DLG2: variants seen among roughly 807,000 people sequenced by gnomAD.
The protein encoded by DLG2 is disks large homolog 2.
A neutral mutation model predicts 132.5 loss-of-function variants in DLG2; 45 were observed. The observed-to-expected ratio is 0.34, with a 90% CI of 0.27 to 0.44. DLG2 has a LOEUF of 0.44. Among genes scored for constraint, DLG2 ranks in the 20% least tolerant of loss-of-function variants. The pLI, the probability that DLG2 is intolerant of heterozygous loss-of-function variation, is 1.00. For synonymous variants in DLG2, 424 were observed against 419.6 expected, an observed-to-expected ratio of 1.01 and a Z score of -0.13; for missense variants, 1,045 against 1,196.9, an observed-to-expected ratio of 0.87 and a Z score of 1.87.
Position 83,508,403 on chromosome 11 carries a change from A to ATTTTTTTTTTTTTTT in DLG2, c.2194-24190_2194-24176dup, listed in dbSNP as rs746968613. Among the ~76,000 whole-genome samples, 597 of 80,128 alleles carry ATTTTTTTTTTTTTTT rather than the reference A, an allele frequency of 7.5e-3. 75 individuals carry two copies. Among genetic ancestry groups the ATTTTTTTTTTTTTTT allele is most frequent in the South Asian group, 0.027 (56 of 2,076 alleles). The allele number at this position is 80,128 out of a possible 152,430, so 52.6% of individuals were successfully genotyped here. On this transcript the variant is annotated intron_variant, in intron 21 of 27. Coordinates refer to ENST00000376104, the MANE Select transcript of DLG2 (RefSeq NM_001142699.3). ...AGGTGCACACCACCACGCCTGGCTA[A>ATTTTTTTTTTTTTTT]TTTTTTTTTTTTTTTTTTTTTTAGT...
chr11:85,172,264 A>G (rs1169123505), intron 4 of DLG2, among the ~76,000 whole-genome samples: 1 of 152,170 alleles, frequency 6.6e-6, no homozygotes, highest in Non-Finnish European at 1.5e-5. Context: ...GGAGAAGGCT[A>G]CCCTCTTTGC....
At chr11:84,685,310 C>A (rs1020896183) in intron 6 of DLG2, among the ~76,000 whole-genome samples, 1 of 152,184 alleles carries the variant, frequency 6.6e-6, no homozygotes, top group Non-Finnish European at 1.5e-5. Flanking sequence ...AGGAAATAGT[C>A]AACAAATCTT....
chr11:83,900,650 C>T (rs1353896444), intron 15 of DLG2, among the ~76,000 whole-genome samples: 2 of 152,164 alleles, frequency 1.3e-5, no homozygotes, highest in African/African-American at 2.4e-5. Flanking sequence ...GGAACCTCCA[C>T]CTAGATTTCA....
intron 21 of DLG2, among the ~76,000 whole-genome samples, chr11:83,488,278 T>C (rs2093642360): frequency 6.6e-6 from 1 of 151,988 alleles, no homozygotes; most frequent in Non-Finnish European, 1.5e-5. Context: ...TGATTTTGTT[T>C]TGTCTCTGTT....
At chr11:85,570,583 G>T (rs891430517) in intron 3 of DLG2, among the ~76,000 whole-genome samples, 3 of 147,454 alleles carry the variant, frequency 2.0e-5, no homozygotes, top group Non-Finnish European at 3.0e-5. Flanking sequence ...TCTACTTGGG[G>T]TATATTGAGC....
chr11:84,311,056 T>G (rs1418062582), intron 7 of DLG2, among the ~76,000 whole-genome samples: 1 of 152,176 alleles, frequency 6.6e-6, no homozygotes, highest in Non-Finnish European at 1.5e-5. Flanking sequence ...TACATGATTT[T>G]TTTTTCTAGC....
chr11:83,746,116 T>C (rs972330423), intron 18 of DLG2, among the ~76,000 whole-genome samples: 1 of 152,166 alleles, frequency 6.6e-6, no homozygotes, highest in Non-Finnish European at 1.5e-5. Flanking sequence ...GGAACACTTT[T>C]ACACTGTTGG....
chr11:85,447,341 A>G (rs900042334), intron 3 of DLG2, among the ~76,000 whole-genome samples: 10 of 152,184 alleles, frequency 6.6e-5, no homozygotes, highest in South Asian at 6.2e-4. Context: ...CCAGTACTTC[A>G]GAATGTGACT....
chr11:83,910,545 T>G (rs1478317030), intron 15 of DLG2, among the ~76,000 whole-genome samples: 1 of 152,108 alleles, frequency 6.6e-6, no homozygotes, highest in Admixed American at 6.5e-5. Context: ...TAGTTTCAAA[T>G]AGCTAGAAGG....
At chr11:85,397,515 T>C (rs545361286) in intron 3 of DLG2, among the ~76,000 whole-genome samples, 4 of 152,314 alleles carry the variant, frequency 2.6e-5, no homozygotes, top group Non-Finnish European at 5.9e-5. Flanking sequence ...ACCATTGGTA[T>C]GCTGTATTCA....
intron 9 of DLG2, among the ~76,000 whole-genome samples, chr11:84,121,656 G>T (rs1017035563): frequency 2.8e-5 from 4 of 141,410 alleles, no homozygotes; most frequent in African/African-American, 5.2e-5. Context: ...CCGCCTCCCG[G>T]GTTCACGCCA....
chr11:85,261,356 C>T (rs771457530), intron 4 of DLG2, among the ~76,000 whole-genome samples: 14 of 152,032 alleles, frequency 9.2e-5, no homozygotes, highest in South Asian at 2.1e-4. Flanking sequence ...CTCATTGTTG[C>T]TTACTTATGA....
At chr11:85,313,397 T>A (rs1342596584) in intron 3 of DLG2, among the ~76,000 whole-genome samples, 2 of 152,038 alleles carry the variant, frequency 1.3e-5, no homozygotes, top group African/African-American at 4.8e-5. Context: ...GTATAGCCAC[T>A]GAGATTTTGG....
intron 11 of DLG2, among the ~76,000 whole-genome samples, chr11:84,003,628 A>C (rs1200474152): frequency 1.3e-5 from 2 of 152,138 alleles, no homozygotes; most frequent in Admixed American, 1.3e-4. Flanking sequence ...AGGACTTACT[A>C]TCACAAGAAT....
At chr11:83,868,726 A>G (rs982282523) in intron 16 of DLG2, among the ~76,000 whole-genome samples, 2 of 145,842 alleles carry the variant, frequency 1.4e-5, no homozygotes, top group African/African-American at 5.6e-5. Flanking sequence ...AACAGCTTAA[A>G]AAAAAAATCT....
In DLG2 at chr11:84,784,022, G is replaced by A. The variant is rs527905171; in HGVS notation, c.358-249291C>T. 9.2e-5 allele frequency among the ~76,000 whole-genome samples: 14 copies of A among 151,518 alleles called. No individual in the cohort carries two copies. In the East Asian group the frequency reaches 2.5e-3, roughly 27 times the overall value. On this transcript the variant is annotated intron_variant, in intron 6 of 27. Coordinates refer to ENST00000376104, the MANE Select transcript of DLG2 (RefSeq NM_001142699.3). ...TATTAAAAATAAGGGTATAGGCTGG[G>A]CACAGTGGCTCACACCTATAATCCC...
At chr11:85,414,747 A>G (rs1328395462) in intron 3 of DLG2, among the ~76,000 whole-genome samples, 1 of 151,944 alleles carries the variant, frequency 6.6e-6, no homozygotes, top group Admixed American at 6.6e-5. Context: ...TCTTACATCT[A>G]TTAGCGGTTG....
chr11:84,719,649 G>T (rs1408028077), intron 6 of DLG2, among the ~76,000 whole-genome samples: 2 of 152,128 alleles, frequency 1.3e-5, no homozygotes, highest in Non-Finnish European at 2.9e-5. Context: ...ATTTCTCTGG[G>T]AACACCAATC....
intron 11 of DLG2, among the ~76,000 whole-genome samples, chr11:84,058,015 C>A (rs1294238448): frequency 6.6e-6 from 1 of 152,086 alleles, no homozygotes; most frequent in Non-Finnish European, 1.5e-5. Context: ...CCATTATGAT[C>A]CCCATTTAAT....
Sources: allele counts gnomAD v4.1 joint callset (sites outside exome capture counted in the v4.1 genomes callset), GRCh38; gene constraint gnomAD v4.1.1; transcripts MANE v1.5; gene names NCBI Gene and HGNC (gene_info 2026-07-23, HGNC 2026-07-21).